Variants in PTPRD observed in about 807,000 individuals in gnomAD.
PTPRD encodes the protein receptor-type tyrosine-protein phosphatase delta.
PTPRD carries 34 observed loss-of-function variants against 214.5 expected under a neutral mutation model. That is an observed-to-expected ratio of 0.16 (90% CI 0.12 to 0.21). The LOEUF (loss-of-function observed/expected upper bound fraction) is 0.21. Among genes scored for constraint, PTPRD ranks in the 10% least tolerant of loss-of-function variants. PTPRD has a pLI of 1.00. For synonymous variants in PTPRD, 1,128 were observed against 845.7 expected (o/e 1.33, Z -5.79); for missense variants, 2,545 against 2,398.7 (o/e 1.06, Z -1.27).
intron 5 of PTPRD, among the ~76,000 whole-genome samples, chr9:9,914,375 T>C (rs1211944520): frequency 1.3e-5 from 2 of 152,162 alleles, no homozygotes; most frequent in South Asian, 2.1e-4. Context: ...AAAGAGTATA[T>C]GTCTTGGGCC....
At chr9:10,297,192 A>G (rs2095704237) in intron 3 of PTPRD, among the ~76,000 whole-genome samples, 1 of 150,638 alleles carries the variant, frequency 6.6e-6, no homozygotes, top group Non-Finnish European at 1.5e-5. Context: ...TTTGTTACAT[A>G]TGTATACATG....
chr9:10,056,826 G>A (rs897590785), intron 3 of PTPRD, among the ~76,000 whole-genome samples: 1 of 152,066 alleles, frequency 6.6e-6, no homozygotes, highest in African/African-American at 2.4e-5. Context: ...AACTCTTACA[G>A]GTCACTTGAG....
chr9:10,019,064 C>T (rs10958820), intron 4 of PTPRD, among the ~76,000 whole-genome samples: 1 of 152,090 alleles, frequency 6.6e-6, no homozygotes, highest in South Asian at 2.1e-4. Context: ...CTACAATGAA[C>T]TCAAATAAAT....
intron 5 of PTPRD, among the ~76,000 whole-genome samples, chr9:9,811,231 A>G (rs570129107): frequency 1.3e-5 from 2 of 152,270 alleles, no homozygotes; most frequent in Admixed American, 1.3e-4. Flanking sequence ...GCAGTTAGCA[A>G]GAGATTGAGT....
chr9:8,352,158 A>G (rs1323851166), intron 39 of PTPRD, among the ~76,000 whole-genome samples: 1 of 151,974 alleles, frequency 6.6e-6, no homozygotes, highest in African/African-American at 2.4e-5. Flanking sequence ...CTTTGTCCCA[A>G]TATTATCTGC....
intron 39 of PTPRD, among the ~76,000 whole-genome samples, chr9:8,359,450 G>A (rs535960496): frequency 1.3e-5 from 2 of 151,956 alleles, no homozygotes; most frequent in South Asian, 2.1e-4. Flanking sequence ...TCAGGCTCCC[G>A]AGTAGCTGGA....
intron 3 of PTPRD, among the ~76,000 whole-genome samples, chr9:10,039,701 T>C (rs1380844429): frequency 6.8e-6 from 1 of 147,870 alleles, no homozygotes; most frequent in Admixed American, 6.8e-5. Flanking sequence ...GGGGTATGAT[T>C]GTACTACATG....
intron 2 of PTPRD, among the ~76,000 whole-genome samples, chr9:10,464,827 A>G (rs1588774586): frequency 1.3e-5 from 2 of 152,182 alleles, no homozygotes; most frequent in Non-Finnish European, 2.9e-5. Context: ...TCATTAAAAA[A>G]TTCCAGGTGA....
chr9:9,435,109 C>T (rs4626666), intron 8 of PTPRD, among the ~76,000 whole-genome samples: 55,980 of 151,704 alleles, frequency 0.37, 10,891 homozygotes, highest in Middle Eastern at 0.58. Flanking sequence ...ATTTTAGACC[C>T]CGCTTTACTT....
chr9:9,499,968 G>A (rs188953034), intron 8 of PTPRD, among the ~76,000 whole-genome samples: 6 of 152,190 alleles, frequency 3.9e-5, no homozygotes, highest in African/African-American at 1.4e-4. Context: ...ATTTGGAAGA[G>A]AACTGTAAAT....
intron 39 of PTPRD, among the ~76,000 whole-genome samples, chr9:8,358,307 A>C (rs2077477517): frequency 6.6e-6 from 1 of 151,910 alleles, no homozygotes; most frequent in African/African-American, 2.4e-5. Context: ...TTCACTTCTT[A>C]CTGGTTAAAA....
At chr9:9,992,991 TA>T (rs35642813) in intron 4 of PTPRD, among the ~76,000 whole-genome samples, 105,465 of 151,418 alleles carry the variant, frequency 0.7, 37,052 homozygotes, top group Middle Eastern at 0.78. Flanking sequence ...ATTTCAAAGT[TA>T]AAAAAAAACA....
At chr9:8,385,731 T>C (rs960624536) in intron 37 of PTPRD, among the ~76,000 whole-genome samples, 2 of 152,202 alleles carry the variant, frequency 1.3e-5, no homozygotes, top group African/African-American at 2.4e-5. Context: ...TGTTGTATTA[T>C]AGTCAATGTA....
chr9:9,203,804 G>T (rs890142517), intron 9 of PTPRD, among the ~76,000 whole-genome samples: 1 of 152,088 alleles, frequency 6.6e-6, no homozygotes, highest in African/African-American at 2.4e-5. Flanking sequence ...CAAAGAAAAA[G>T]GTCTTAGGAA....
At chr9:9,833,164 G>T (rs1003906625) in intron 5 of PTPRD, among the ~76,000 whole-genome samples, 2 of 151,938 alleles carry the variant, frequency 1.3e-5, no homozygotes, top group South Asian at 2.1e-4. Context: ...TCTGTTAAGG[G>T]TTCTATCAGG....
chr9:10,485,605 T>C (rs1193753031), intron 2 of PTPRD, among the ~76,000 whole-genome samples: 1 of 152,138 alleles, frequency 6.6e-6, no homozygotes, highest in Admixed American at 6.5e-5. Flanking sequence ...CCTAGGTATT[T>C]AATTTTATTT....
At chr9:10,327,981 G>T (rs1176048470) in intron 3 of PTPRD, among the ~76,000 whole-genome samples, 1 of 151,620 alleles carries the variant, frequency 6.6e-6, no homozygotes, top group Middle Eastern at 3.2e-3. Flanking sequence ...CCTGTCTGTA[G>T]GTTGGGATAT....
intron 43 of PTPRD, among the ~76,000 whole-genome samples, chr9:8,332,874 T>C (rs1188919715): frequency 1.3e-5 from 2 of 152,162 alleles, no homozygotes; most frequent in Admixed American, 6.5e-5. Flanking sequence ...AGCCTTCAAC[T>C]TGTTCCTCCA....
intron 3 of PTPRD, among the ~76,000 whole-genome samples, chr9:10,174,478 A>C (rs776890722): frequency 2.6e-5 from 4 of 152,180 alleles, no homozygotes; most frequent in Non-Finnish European, 5.9e-5. Context: ...TGGAGACATC[A>C]GAATTGTGAG....
Sources: gnomAD v4.1 joint callset for allele counts (sites outside exome capture counted in the v4.1 genomes callset) on GRCh38, gnomAD v4.1.1 for gene constraint, MANE v1.5 for transcripts, NCBI Gene and HGNC (gene_info 2026-07-23, HGNC 2026-07-21) for gene names.